Variants in KCNK13 observed in about 807,000 individuals in gnomAD.
KCNK13 encodes the protein potassium two pore domain channel subfamily K member 13.
In KCNK13, 12 loss-of-function variants were observed where a neutral mutation model predicts 23.4. The ratio of observed to expected loss-of-function variants is 0.51; its 90% CI spans 0.33 to 0.83. The LOEUF is 0.83. Ranked by LOEUF, KCNK13 falls within the 40% of genes least tolerant of loss-of-function variation. KCNK13 has a pLI of 0.02. For synonymous variants in KCNK13, 231 were observed against 229.5 expected, an observed-to-expected ratio of 1.01 and a Z score of -0.06; for missense variants, 463 against 556.3, an observed-to-expected ratio of 0.83 and a Z score of 1.69.
chr14:90,075,547 C>T (rs1035981657), intron 1 of KCNK13, among the ~76,000 whole-genome samples: 6 of 152,202 alleles, frequency 3.9e-5, no homozygotes, highest in African/African-American at 9.6e-5. Flanking sequence ...GGCACAATTT[C>T]GGCTCACTGC....
At chr14:90,074,074 ATTC>A (rs1325765441) in intron 1 of KCNK13, among the ~76,000 whole-genome samples, 1 of 152,010 alleles carries the variant, frequency 6.6e-6, no homozygotes, top group Non-Finnish European at 1.5e-5. Context: ...GGTTCAAGTG[ATTC>A]TTCCACCTTA....
chr14:90,147,409 G>A lies in KCNK13; in HGVS notation c.335-36702G>A, dbSNP rs547998232. 1.2e-4 allele frequency among the ~76,000 whole-genome samples: 16 copies of A among 131,730 alleles called. No homozygotes were observed. In the East Asian group the frequency reaches 3.5e-3, roughly 29 times the overall value. 86.4% of individuals were successfully genotyped at this position (131,730 alleles called of 152,430 possible). A position where few individuals can be genotyped will look rare whatever the true frequency, so the allele number is the denominator to read the frequency against. On this transcript the variant is annotated intron_variant, in intron 1 of 1. Transcript: ENST00000282146. ...GGACTACAGACATGCTACCACACCT[G>A]GCTTGTTTTTTTGGTTGGGATAGGA...
chr14:90,171,002 G>A (rs1769513590), intron 1 of KCNK13, among the ~76,000 whole-genome samples: 1 of 152,192 alleles, frequency 6.6e-6, no homozygotes, highest in Admixed American at 6.5e-5. Flanking sequence ...AGGCAGGTTT[G>A]CCGGACCCAG....
intron 1 of KCNK13, among the ~76,000 whole-genome samples, chr14:90,168,235 A>G (rs1225245622): frequency 2.0e-5 from 3 of 152,038 alleles, no homozygotes; most frequent in African/African-American, 7.2e-5. Context: ...TTAGTCAGGC[A>G]TGGTGGTGTG....
At chr14:90,142,090 T>G (rs1024130571) in intron 1 of KCNK13, among the ~76,000 whole-genome samples, 5 of 151,494 alleles carry the variant, frequency 3.3e-5, no homozygotes, top group African/African-American at 1.2e-4. Context: ...CCCAGCCTTA[T>G]GCCCTCTTGT....
intron 1 of KCNK13, among the ~76,000 whole-genome samples, chr14:90,123,339 G>T (rs565905495): frequency 3.3e-5 from 5 of 152,322 alleles, no homozygotes; most frequent in Admixed American, 2.6e-4. Context: ...TGGCTTGCAG[G>T]TGACTGCCTT....
At position 90,184,255 on chromosome 14, in the gene KCNK13, G is replaced by A; in HGVS notation, c.479G>A (p.Cys160Tyr). Residue 160 changes from cysteine (C) to tyrosine (Y), a missense_variant, in exon 2 of 2, where the codon TGC becomes TAC. Around this residue, in one of 3 missense-constraint regions of KCNK13, gnomAD observed 144 missense variants for 224.0 expected, o/e 0.64. Transcript: ENST00000282146. The surrounding 1 kb of genome is among the most constrained non-coding windows in gnomAD (Gnocchi z 5.6). ...ITIIAYIMKS[C>Y]HQRQLRRRGA... ...ATCATCGCCTACATCATGAAGTCGT[G>A]CCACCAGCGGCAGCTCCGGAGACGA... The A allele has an allele frequency of 1.9e-6, 3 of 1,614,206 alleles. No homozygotes were observed. The highest frequency in any genetic ancestry group is 2.5e-6 in the Non-Finnish European group (3 of 1,180,032).
chr14:90,132,945 C>T (rs529633062), intron 1 of KCNK13, among the ~76,000 whole-genome samples: 1 of 152,238 alleles, frequency 6.6e-6, no homozygotes, highest in African/African-American at 2.4e-5. Context: ...TGTACTGATA[C>T]TCTGCCTTTC....
At chr14:90,077,040 C>T (rs929690975) in intron 1 of KCNK13, among the ~76,000 whole-genome samples, 3 of 149,824 alleles carry the variant, frequency 2.0e-5, no homozygotes, top group Admixed American at 6.6e-5. Context: ...AGGATGGTCT[C>T]GATCTCCTGA....
intron 1 of KCNK13, among the ~76,000 whole-genome samples, chr14:90,064,125 G>A (rs1888979389): frequency 6.6e-6 from 1 of 152,130 alleles, no homozygotes; most frequent in African/African-American, 2.4e-5. Context: ...CACCTCCCAC[G>A]TCCCAGAAGA....
chr14:90,134,572 G>T (rs576302934), intron 1 of KCNK13, among the ~76,000 whole-genome samples: 1 of 152,154 alleles, frequency 6.6e-6, no homozygotes, highest in Non-Finnish European at 1.5e-5. Flanking sequence ...ATGGAAACAC[G>T]TCAAGGTGTT....
chr14:90,062,248 G>T lies in KCNK13; in HGVS notation c.43G>T (p.Glu15Ter). ...GFSWGPGHLN[E>*]DNARFLLLAA... Reference sequence around the variant, plus strand: ...CAGCTGGGGCCCGGGCCACCTGAACGAGGACAACGCGCGCTTTCTGCTGCT... The same window carrying T: ...CAGCTGGGGCCCGGGCCACCTGAACTAGGACAACGCGCGCTTTCTGCTGCT... The change falls in exon 1 of 2, where the codon GAG becomes TAG. Residue 15 changes from glutamate (E) to a stop codon, truncating the protein, a stop_gained. Coordinates refer to ENST00000282146, the MANE Select transcript of KCNK13 (RefSeq NM_022054.4). LOFTEE classifies it high-confidence loss of function. The surrounding 1 kb of genome is among the most constrained non-coding windows in gnomAD (Gnocchi z 4.5). 3.5e-6 allele frequency: 5 copies of T among 1,409,652 alleles called. No individual in the cohort carries two copies. The highest frequency in any genetic ancestry group is 4.7e-6 in the Non-Finnish European group (5 of 1,071,232). 87.3% of individuals were successfully genotyped at this position (1,409,652 alleles called of 1,614,324 possible). A position where few individuals can be genotyped will look rare whatever the true frequency, so the allele number is the denominator to read the frequency against.
chr14:90,176,951 C>T (rs375103305), intron 1 of KCNK13, among the ~76,000 whole-genome samples: 66 of 152,216 alleles, frequency 4.3e-4, no homozygotes, highest in African/African-American at 1.5e-3. Context: ...ACCCAGGAGG[C>T]GGAGGTTGCA....
At chr14:90,127,295 G>A (rs1889812094) in intron 1 of KCNK13, among the ~76,000 whole-genome samples, 1 of 151,922 alleles carries the variant, frequency 6.6e-6, no homozygotes, top group Admixed American at 6.6e-5. Context: ...TCCATGCCTG[G>A]CACCCTATAT....
intron 1 of KCNK13, among the ~76,000 whole-genome samples, chr14:90,070,263 C>T (rs564018328): frequency 3.7e-4 from 56 of 152,238 alleles, no homozygotes; most frequent in Non-Finnish European, 6.6e-4. Flanking sequence ...TCTATATAAC[C>T]ATTATAACAT....
intron 1 of KCNK13, among the ~76,000 whole-genome samples, chr14:90,082,734 G>A (rs1049472840): frequency 1.3e-5 from 2 of 152,014 alleles, no homozygotes; most frequent in African/African-American, 2.4e-5. Flanking sequence ...ATACAATGTC[G>A]AATAAGTTTA....
chr14:90,074,162 G>C (rs751756048), intron 1 of KCNK13, among the ~76,000 whole-genome samples: 1 of 151,018 alleles, frequency 6.6e-6, no homozygotes, highest in African/African-American at 2.4e-5. Flanking sequence ...TAGAAACAGG[G>C]TGTCACCATA....
chr14:90,132,538 TG>T (rs1889886847), intron 1 of KCNK13, among the ~76,000 whole-genome samples: 1 of 143,404 alleles, frequency 7.0e-6, no homozygotes, highest in African/African-American at 2.6e-5. Context: ...AGTGAGACTC[TG>T]TCTCAAAAAA....
intron 1 of KCNK13, among the ~76,000 whole-genome samples, chr14:90,182,961 A>G (rs1029721195): frequency 1.3e-5 from 2 of 152,106 alleles, no homozygotes; most frequent in African/African-American, 4.8e-5. Context: ...CCCTCCACCC[A>G]TCAGCCTTCT....
Sources: allele counts gnomAD v4.1 joint callset (sites outside exome capture counted in the v4.1 genomes callset), GRCh38; gene constraint gnomAD v4.1.1; regional missense constraint gnomAD v4.1.1; non-coding constraint Gnocchi (gnomAD v3.1); transcripts MANE v1.5; gene names NCBI Gene and HGNC (gene_info 2026-07-23, HGNC 2026-07-21).